The following ARHGAP26 variants were observed in gnomAD, a reference collection of about 807,000 sequenced individuals.
ARHGAP26 encodes rho GTPase-activating protein 26.
Under a neutral mutation model 104.8 loss-of-function variants are expected in ARHGAP26, and 38 were observed. The ratio of observed to expected loss-of-function variants is 0.36; its 90% CI spans 0.28 to 0.48. The LOEUF (loss-of-function observed/expected upper bound fraction) is 0.48. ARHGAP26 is among the 20% of genes least tolerant of loss of function. ARHGAP26 has a pLI of 0.99. For synonymous variants in ARHGAP26, 341 were observed against 340.0 expected, an observed-to-expected ratio of 1.00 and a Z score of -0.03; for missense variants, 704 against 947.9, an observed-to-expected ratio of 0.74 and a Z score of 3.38.
chr5:142,829,747 G>A (rs573463946), intron 1 of ARHGAP26, among the ~76,000 whole-genome samples: 33 of 152,302 alleles, frequency 2.2e-4, no homozygotes, highest in African/African-American at 7.9e-4. Flanking sequence ...TGGTGAACAA[G>A]GAGTGTGTGC....
chr5:142,779,824 A>C (rs1757138267), intron 1 of ARHGAP26, among the ~76,000 whole-genome samples: 1 of 152,240 alleles, frequency 6.6e-6, no homozygotes, highest in South Asian at 2.1e-4. Flanking sequence ...CTGACTGCGT[A>C]TCTCGTTATC....
chr5:143,173,491 C>T (rs1479573460), intron 20 of ARHGAP26, among the ~76,000 whole-genome samples: 1 of 152,178 alleles, frequency 6.6e-6, no homozygotes, highest in South Asian at 2.1e-4. Context: ...TCTCCAAAAA[C>T]GAAGTGGCTT....
At chr5:142,875,009 G>A (rs554203882) in intron 2 of ARHGAP26, 101 bp from the exon 3 acceptor site, 2 of 959,774 alleles carry the variant, frequency 2.1e-6, no homozygotes, top group Admixed American at 1.8e-5. Context: ...GCATCTGTAT[G>A]TGCCAAGGAA....
At chr5:143,034,213 T>A (rs245829) in intron 12 of ARHGAP26, among the ~76,000 whole-genome samples, 70,281 of 151,928 alleles carry the variant, frequency 0.46, 19,240 homozygotes, top group African/African-American at 0.76. Context: ...TTAAGCACGG[T>A]GTCATTCTGT....
At chr5:142,938,111 T>C (rs1358345740) in intron 11 of ARHGAP26, among the ~76,000 whole-genome samples, 1 of 152,176 alleles carries the variant, frequency 6.6e-6, no homozygotes, top group Non-Finnish European at 1.5e-5. Context: ...GTTAACAATA[T>C]TGTCCTAGTG....
intron 1 of ARHGAP26, among the ~76,000 whole-genome samples, chr5:142,818,819 C>T (rs1262768897): frequency 6.6e-6 from 1 of 152,186 alleles, no homozygotes; most frequent in Non-Finnish European, 1.5e-5. Flanking sequence ...CTCCTGTTTG[C>T]TCCTTCTTGT....
At chr5:142,886,745 C>A (rs899642293) in intron 5 of ARHGAP26, among the ~76,000 whole-genome samples, 65 of 152,138 alleles carry the variant, frequency 4.3e-4, no homozygotes, top group African/African-American at 1.5e-3. Flanking sequence ...CTTATTTTCA[C>A]GAGATACAAA....
At chr5:143,024,295 A>G (rs1306628722) in intron 12 of ARHGAP26, among the ~76,000 whole-genome samples, 1 of 152,048 alleles carries the variant, frequency 6.6e-6, no homozygotes, top group Non-Finnish European at 1.5e-5. Flanking sequence ...TGCTTGTCCT[A>G]AAAGACACTT....
At chr5:142,969,313 A>G (rs1407814945) in intron 11 of ARHGAP26, 1 of 152,070 alleles carries the variant, frequency 6.6e-6, no homozygotes, top group Non-Finnish European at 1.5e-5. Flanking sequence ...CCATTTCCTC[A>G]TTTCAGGAAG....
At chr5:142,864,232 C>T (rs1314850355) in intron 1 of ARHGAP26, among the ~76,000 whole-genome samples, 4 of 152,106 alleles carry the variant, frequency 2.6e-5, no homozygotes, top group Non-Finnish European at 5.9e-5. Flanking sequence ...TCTTAAATGT[C>T]GTCTTAACAC....
chr5:143,011,465 C>T lies in ARHGAP26; in HGVS notation c.1108-2615C>T, dbSNP rs148651628. ...TCATCTGTATCCCCAGCACCTGGAA[C>T]GTTGCCTGACCATTATAAGCACACA... On this transcript the variant is annotated intron_variant, in intron 11 of 22. Coordinates refer to ENST00000645722, the MANE Select transcript of ARHGAP26 (RefSeq NM_001135608.3). 7.1e-3 allele frequency among the ~76,000 whole-genome samples: 1,088 copies of T among 152,240 alleles called. 19 individuals carry two copies. Among genetic ancestry groups the T allele is most frequent in the African/African-American group, 0.025 (1,046 of 41,522 alleles).
chr5:143,130,080 G>A (rs144350586), intron 18 of ARHGAP26, among the ~76,000 whole-genome samples: 1 of 152,300 alleles, frequency 6.6e-6, no homozygotes, highest in East Asian at 1.9e-4. Context: ...TGAGGTCCGT[G>A]TAGCTGTAGG....
At chr5:142,953,852 G>T (rs1474622064) in intron 11 of ARHGAP26, among the ~76,000 whole-genome samples, 2 of 152,200 alleles carry the variant, frequency 1.3e-5, no homozygotes, top group Non-Finnish European at 2.9e-5. Context: ...GCACAGAGCT[G>T]TCTCAGTTTG....
At chr5:142,838,866 T>A (rs1561928353) in intron 1 of ARHGAP26, among the ~76,000 whole-genome samples, 1 of 152,228 alleles carries the variant, frequency 6.6e-6, no homozygotes, top group Non-Finnish European at 1.5e-5. Context: ...GCTGTAGAAC[T>A]GGATAGGGAC....
chr5:142,955,991 T>C (rs1441278514), intron 11 of ARHGAP26, among the ~76,000 whole-genome samples: 1 of 152,186 alleles, frequency 6.6e-6, no homozygotes, highest in Admixed American at 6.5e-5. Context: ...CTGGAGGGCT[T>C]CTTTTACTTG....
At position 142,987,198 on chromosome 5, in the gene ARHGAP26, A is replaced by G. The variant is rs559319410; in HGVS notation, c.1108-26882A>G. On this transcript the variant is annotated intron_variant, in intron 11 of 22. Coordinates refer to ENST00000645722, the MANE Select transcript of ARHGAP26 (RefSeq NM_001135608.3). The stretch of plus-strand genomic sequence containing the variant: ...AGCAGTGGTTTGTAGTTCTCCTTGA[A>G]GAGGTCCTTCACGTCCCTTGTAAGT... Among the ~76,000 whole-genome samples the G allele has an allele frequency of 1.3e-3, 202 of 152,274 alleles. 2 individuals are homozygous for G. The highest frequency in any genetic ancestry group is 0.013 in the Admixed American group (192 of 15,296).
chr5:143,008,761 T>C (rs1054140151), intron 11 of ARHGAP26, among the ~76,000 whole-genome samples: 14 of 152,252 alleles, frequency 9.2e-5, no homozygotes, highest in Non-Finnish European at 1.6e-4. Flanking sequence ...CTTATGTCTT[T>C]AATATCTACA....
intron 10 of ARHGAP26, among the ~76,000 whole-genome samples, chr5:142,930,636 C>G (rs1764581566): frequency 6.6e-6 from 1 of 152,058 alleles, no homozygotes; most frequent in South Asian, 2.1e-4. Context: ...TCACTCCCTT[C>G]TCTTGCTCGT....
intron 17 of ARHGAP26, among the ~76,000 whole-genome samples, chr5:143,118,207 G>C (rs1293457247): frequency 1.3e-5 from 2 of 152,224 alleles, no homozygotes; most frequent in African/African-American, 4.8e-5. Flanking sequence ...AAGGCAGAGA[G>C]GTGTGGAAGT....
Sources: gnomAD v4.1 joint callset for allele counts (sites outside exome capture counted in the v4.1 genomes callset) on GRCh38, gnomAD v4.1.1 for gene constraint, MANE v1.5 for transcripts, NCBI Gene and HGNC (gene_info 2026-07-23, HGNC 2026-07-21) for gene names.